The following C3orf70 variants were observed in gnomAD, a reference collection of about 807,000 sequenced individuals.
C3orf70 encodes the protein chromosome 3 open reading frame 70, also known as UPF0524 protein C3orf70.
C3orf70 carries 15 observed loss-of-function variants against 20.7 expected under a neutral mutation model. The observed-to-expected ratio is 0.72, with a 90% CI of 0.48 to 1.11. C3orf70 has a LOEUF of 1.11. Ranked by LOEUF, C3orf70 falls within the 50% of genes most tolerant of loss-of-function variation. The pLI, the probability that C3orf70 is intolerant of heterozygous loss-of-function variation, is 0.00. For synonymous variants in C3orf70, 161 were observed against 125.7 expected (o/e 1.28, Z -1.88); for missense variants, 332 against 317.6 (o/e 1.05, Z -0.34).
chr3:185,136,741 A>G (rs909587273), intron 1 of C3orf70, among the ~76,000 whole-genome samples: 2 of 149,110 alleles, frequency 1.3e-5, no homozygotes, highest in Non-Finnish European at 3.0e-5. Flanking sequence ...AAAACAAAAC[A>G]AAACAAAAAA....
At chr3:185,150,100 A>G (rs1395080963) in intron 1 of C3orf70, among the ~76,000 whole-genome samples, 2 of 152,212 alleles carry the variant, frequency 1.3e-5, no homozygotes, top group Non-Finnish European at 2.9e-5. Flanking sequence ...GGATTTCAAT[A>G]AGGTATTTGA....
chr3:185,110,398 A>G (rs1037572846), intron 1 of C3orf70, among the ~76,000 whole-genome samples: 1 of 152,352 alleles, frequency 6.6e-6, no homozygotes, highest in East Asian at 1.9e-4. Context: ...TGTGATTTCA[A>G]TGACGATTGT....
chr3:185,120,576 G>C (rs879864448), intron 1 of C3orf70, among the ~76,000 whole-genome samples: 2 of 152,066 alleles, frequency 1.3e-5, no homozygotes, highest in Admixed American at 6.6e-5. Flanking sequence ...GACATGAATA[G>C]ACAATTCTCA....
chr3:185,080,249 G>GTGCAAATA lies in C3orf70; in HGVS notation c.*2750_*2757dup, dbSNP rs1164530352. The GTGCAAATA allele has an allele frequency of 2.0e-5, 3 of 152,650 alleles. No individual in the cohort carries two copies. The highest frequency in any genetic ancestry group is 2.0e-4 in the Admixed American group (3 of 15,290). 9.5% of individuals were successfully genotyped at this position (152,650 alleles called of 1,614,324 possible). ...GCGAGTTTTTAATTATAAAGAGATTGTGCAAATACATAAGGTGATTATCAA... is the reference window on the plus strand; with the variant it reads ...GCGAGTTTTTAATTATAAAGAGATTGTGCAAATATGCAAATACATAAGGTGATTATCAA... On this transcript the variant is annotated 3_prime_UTR_variant, in exon 2 of 2. Transcript: ENST00000335012.
rs1009788180 is a variant in C3orf70, at chr3:185,152,662, C to T, written c.162G>A (p.Lys54=). 2 of 1,590,842 alleles carry T rather than the reference C, an allele frequency of 1.3e-6. No homozygotes were observed. Among genetic ancestry groups the T allele is most frequent in the Admixed American group, 1.7e-5 (1 of 58,298 alleles). ...CATHSHGKCF[K]LHWCCHLGWC... Reference sequence around the variant, plus strand: ...ATCCTAGGTGACAGCACCAGTGCAGCTTGAAGCACTTGCCATGGCTGTGCG... The same window carrying T: ...ATCCTAGGTGACAGCACCAGTGCAGTTTGAAGCACTTGCCATGGCTGTGCG... Residue 54 remains lysine (K), a synonymous_variant, in exon 1 of 2, where the codon AAG becomes AAA. Transcript: ENST00000335012.
chr3:185,148,865 A>G (rs931803138), intron 1 of C3orf70, among the ~76,000 whole-genome samples: 2 of 152,220 alleles, frequency 1.3e-5, no homozygotes, highest in Admixed American at 6.5e-5. Flanking sequence ...CTGTGAATGT[A>G]TATGTGCTTT....
At chr3:185,131,106 A>G (rs1716513706) in intron 1 of C3orf70, among the ~76,000 whole-genome samples, 1 of 152,212 alleles carries the variant, frequency 6.6e-6, no homozygotes, top group Non-Finnish European at 1.5e-5. Context: ...ATCTGTCCAC[A>G]TCCTCACCAA....
chr3:185,123,637 T>C (rs1224024155), intron 1 of C3orf70, among the ~76,000 whole-genome samples: 1 of 151,920 alleles, frequency 6.6e-6, no homozygotes, highest in African/African-American at 2.4e-5. Flanking sequence ...ATGGTCCCCA[T>C]CTTTATGACC....
At chr3:185,102,584 G>A (rs566174739) in intron 1 of C3orf70, among the ~76,000 whole-genome samples, 31 of 152,184 alleles carry the variant, frequency 2.0e-4, no homozygotes, top group African/African-American at 3.4e-4. Context: ...AACCAAAAAC[G>A]AGCCCGAATA....
chr3:185,090,182 T>C (rs528504796), intron 1 of C3orf70, among the ~76,000 whole-genome samples: 1 of 152,334 alleles, frequency 6.6e-6, no homozygotes, highest in South Asian at 2.1e-4. Flanking sequence ...TCAGCTAACA[T>C]TGCAATTTGC....
chr3:185,122,829 A>C (rs11928086), intron 1 of C3orf70, among the ~76,000 whole-genome samples: 7,856 of 151,910 alleles, frequency 0.052, 659 homozygotes, highest in African/African-American at 0.18. Context: ...AGAGCTGAGA[A>C]AGGCTTTTCT....
intron 1 of C3orf70, among the ~76,000 whole-genome samples, chr3:185,087,764 CTT>C (rs1373375481): frequency 1.3e-5 from 2 of 152,026 alleles, no homozygotes; most frequent in African/African-American, 4.8e-5. Flanking sequence ...TATAAATGGA[CTT>C]AACACCACTG....
chr3:185,114,463 G>A (rs2108596954), intron 1 of C3orf70, among the ~76,000 whole-genome samples: 1 of 152,190 alleles, frequency 6.6e-6, no homozygotes. Flanking sequence ...AAGAAGCCCA[G>A]CTCAAGGTAT....
At position 185,084,190 on chromosome 3, in the gene C3orf70, AAAAC is replaced by A. The variant is rs1228161196; in HGVS notation, c.197-631_197-628del. Among the ~76,000 whole-genome samples, 114 of 152,138 alleles carry A rather than the reference AAAAC, an allele frequency of 7.5e-4. 1 individual carries two copies. Among genetic ancestry groups the A allele is most frequent in the African/African-American group, 2.5e-3 (105 of 41,442 alleles). ...AGAGTGAGACCCTGTCTCAAAAAAA[AAAAC>A]AACCAAGTTGTAAAACAGTATAATG... On this transcript the variant is annotated intron_variant, in intron 1 of 1. Transcript: ENST00000335012.
chr3:185,099,231 C>T (rs1056993623), intron 1 of C3orf70, among the ~76,000 whole-genome samples: 3 of 152,128 alleles, frequency 2.0e-5, no homozygotes, highest in Non-Finnish European at 2.9e-5. Flanking sequence ...CAGAGAACCC[C>T]AGTAAGCTAC....
intron 1 of C3orf70, among the ~76,000 whole-genome samples, chr3:185,144,706 A>G (rs1468482128): frequency 1.1e-5 from 1 of 88,798 alleles, no homozygotes; most frequent in African/African-American, 4.6e-5. Flanking sequence ...TCCTGACCTC[A>G]GGTGATCCGC....
At position 185,088,329 on chromosome 3, in the gene C3orf70, A is replaced by T. The variant is rs537844025; in HGVS notation, c.197-4766T>A. On this transcript the variant is annotated intron_variant, in intron 1 of 1. Coordinates refer to ENST00000335012, the MANE Select transcript of C3orf70 (RefSeq NM_001025266.3). ...AATGAGAAAACAACCCAATTTTCTT[A>T]AAAAGGGGTGTGGCTACATAAGAGT... Among the ~76,000 whole-genome samples, 8 of 152,318 alleles carry T rather than the reference A, an allele frequency of 5.3e-5. No individual in the cohort carries two copies. In the East Asian group the frequency reaches 1.2e-3, roughly 22 times the overall value.
At chr3:185,126,787 T>C (rs1352470398) in intron 1 of C3orf70, among the ~76,000 whole-genome samples, 1 of 152,182 alleles carries the variant, frequency 6.6e-6, no homozygotes, top group African/African-American at 2.4e-5. Flanking sequence ...ATGGCCCTTC[T>C]AAGAGTGGGA....
intron 1 of C3orf70, among the ~76,000 whole-genome samples, chr3:185,106,135 C>T (rs1013821410): frequency 7.2e-5 from 11 of 152,104 alleles, no homozygotes; most frequent in African/African-American, 2.4e-4. Flanking sequence ...CCTCGAGCAA[C>T]CGCTCTAAGT....
Sources: gnomAD v4.1 joint callset for allele counts (sites outside exome capture counted in the v4.1 genomes callset) on GRCh38, gnomAD v4.1.1 for gene constraint, MANE v1.5 for transcripts, NCBI Gene and HGNC (gene_info 2026-07-23, HGNC 2026-07-21) for gene names.